GPC6: variants seen among roughly 807,000 people sequenced by gnomAD.
The protein encoded by GPC6 is glypican-6.
Under a neutral mutation model 55.2 loss-of-function variants are expected in GPC6, and 14 were observed. The ratio of observed to expected loss-of-function variants is 0.25; its 90% CI spans 0.17 to 0.40. The LOEUF is 0.40. GPC6 is among the 10% of genes least tolerant of loss of function. GPC6 has a pLI of 1.00. For synonymous variants in GPC6, 278 were observed against 259.6 expected (o/e 1.07, Z -0.68); for missense variants, 641 against 708.5 (o/e 0.90, Z 1.08).
chr13:93,554,197 A>G (rs538294384), intron 2 of GPC6, among the ~76,000 whole-genome samples: 2 of 152,124 alleles, frequency 1.3e-5, no homozygotes, highest in East Asian at 3.9e-4. Flanking sequence ...ACAGGACTGA[A>G]GATATCCAGA....
rs952517625 is a variant in GPC6 at position 93,672,355 on chromosome 13, A to C, written c.319+126934A>C. On this transcript the variant is annotated intron_variant, in intron 2 of 8. Transcript: ENST00000377047. ...GTGGTGGCTTTTTCATGAGTCCAGG[A>C]AACATCAGAAATGATTTTTACCACG... Among the ~76,000 whole-genome samples the C allele has an allele frequency of 4.6e-5, 7 of 152,030 alleles. No individual in the cohort carries two copies. The South Asian group carries it at 1.2e-3, about 27-fold the overall frequency.
chr13:93,485,534 C>G (rs1219900879), intron 1 of GPC6, among the ~76,000 whole-genome samples: 2 of 152,148 alleles, frequency 1.3e-5, no homozygotes, highest in African/African-American at 4.8e-5. Flanking sequence ...ATTAATAGCT[C>G]TCTGTACACT....
intron 1 of GPC6, among the ~76,000 whole-genome samples, chr13:93,267,516 G>A (rs1424510023): frequency 1.3e-5 from 2 of 151,954 alleles, no homozygotes; most frequent in Non-Finnish European, 2.9e-5. Flanking sequence ...CATGCTAGAA[G>A]CTTCAATTCC....
chr13:94,169,480 A>G (rs1441364831), intron 4 of GPC6, among the ~76,000 whole-genome samples: 1 of 152,144 alleles, frequency 6.6e-6, no homozygotes, highest in Non-Finnish European at 1.5e-5. Flanking sequence ...AAATACTAGA[A>G]CTCAGAGGGT....
chr13:93,245,284 C>A (rs1305447136), intron 1 of GPC6, among the ~76,000 whole-genome samples: 1 of 152,168 alleles, frequency 6.6e-6, no homozygotes, highest in African/African-American at 2.4e-5. Context: ...CACCGTTATT[C>A]AGTTTTGGAT....
chr13:94,363,855 A>T (rs755806120), intron 6 of GPC6, among the ~76,000 whole-genome samples: 2 of 152,214 alleles, frequency 1.3e-5, no homozygotes, highest in African/African-American at 2.4e-5. Flanking sequence ...GGTGGAATGA[A>T]CTGAGATGGA....
At chr13:93,674,572 C>T (rs901406484) in intron 2 of GPC6, among the ~76,000 whole-genome samples, 1 of 152,178 alleles carries the variant, frequency 6.6e-6, no homozygotes, top group Non-Finnish European at 1.5e-5. Flanking sequence ...AAAGACACAA[C>T]ACAGGCATGT....
intron 8 of GPC6, among the ~76,000 whole-genome samples, chr13:94,401,417 T>C (rs934156855): frequency 2.0e-5 from 3 of 152,120 alleles, no homozygotes; most frequent in Non-Finnish European, 4.4e-5. Context: ...TGACAGGATT[T>C]GTCAAACAAG....
intron 3 of GPC6, among the ~76,000 whole-genome samples, chr13:93,974,996 T>C (rs778110600): frequency 2.6e-5 from 4 of 152,146 alleles, no homozygotes; most frequent in Non-Finnish European, 4.4e-5. Flanking sequence ...AAGCTCATGC[T>C]CTTACCTACA....
chr13:93,744,528 C>CTTTTTTTTTTTTTTTT (rs71736430), intron 2 of GPC6, among the ~76,000 whole-genome samples: 6 of 97,232 alleles, frequency 6.2e-5, no homozygotes, highest in African/African-American at 8.9e-5. Context: ...TTTCCCTAGT[C>CTTTTTTTTTTTTTTTT]TTTTTTTTTT....
intron 2 of GPC6, among the ~76,000 whole-genome samples, chr13:93,720,752 T>G (rs1883427237): frequency 6.6e-6 from 1 of 152,076 alleles, no homozygotes; most frequent in Non-Finnish European, 1.5e-5. Flanking sequence ...TCCCAAATAT[T>G]CTGGTACGTT....
At chr13:93,492,533 C>T (rs1025567583) in intron 1 of GPC6, among the ~76,000 whole-genome samples, 2 of 146,756 alleles carry the variant, frequency 1.4e-5, no homozygotes, top group African/African-American at 5.1e-5. Context: ...TGCCTGATTG[C>T]CCCGGCCAGA....
At chr13:93,481,104 T>C (rs1879500436) in intron 1 of GPC6, among the ~76,000 whole-genome samples, 1 of 152,182 alleles carries the variant, frequency 6.6e-6, no homozygotes, top group Admixed American at 6.5e-5. Context: ...CAATACTTGC[T>C]ATTTGTCCCT....
intron 1 of GPC6, among the ~76,000 whole-genome samples, chr13:93,537,354 A>G (rs1882102755): frequency 6.6e-6 from 1 of 152,158 alleles, no homozygotes; most frequent in Non-Finnish European, 1.5e-5. Context: ...AATGGTGAAA[A>G]CTATCTTGCA....
At chr13:93,427,021 C>G (rs915301714) in intron 1 of GPC6, among the ~76,000 whole-genome samples, 7 of 150,432 alleles carry the variant, frequency 4.7e-5, no homozygotes, top group African/African-American at 1.7e-4. Context: ...TATTTTTTGG[C>G]TGCATAAATG....
chr13:93,821,760 T>A (rs1277597449), intron 2 of GPC6, among the ~76,000 whole-genome samples: 1 of 152,044 alleles, frequency 6.6e-6, no homozygotes, highest in Non-Finnish European at 1.5e-5. Context: ...GTCTTTCCAT[T>A]GAGATTGCTG....
chr13:93,758,692 T>C (rs1323872868), intron 2 of GPC6, among the ~76,000 whole-genome samples: 1 of 152,042 alleles, frequency 6.6e-6, no homozygotes, highest in Admixed American at 6.6e-5. Flanking sequence ...CCTTTTCTTT[T>C]TGAGCATGAA....
At chr13:94,054,806 AG>A (rs1194406857) in intron 4 of GPC6, among the ~76,000 whole-genome samples, 1 of 152,114 alleles carries the variant, frequency 6.6e-6, no homozygotes, top group Non-Finnish European at 1.5e-5. Context: ...TTAATCTGTC[AG>A]TGTAAATCAT....
rs949300053 is a variant in GPC6 at position 94,405,071 on chromosome 13, T to G, written c.*1854T>G. 1.3e-5 allele frequency: 2 copies of G among 152,230 alleles called. No homozygotes were observed. Among genetic ancestry groups the G allele is most frequent in the African/African-American group, 4.8e-5 (2 of 41,466 alleles). The allele number at this position is 152,230 out of a possible 1,614,324, so 9.4% of individuals were successfully genotyped here. A position where few individuals can be genotyped will look rare whatever the true frequency, so the allele number is the denominator to read the frequency against. On this transcript the variant is annotated 3_prime_UTR_variant, in exon 9 of 9. Coordinates refer to ENST00000377047, the MANE Select transcript of GPC6 (RefSeq NM_005708.5). ...TCTCATCAAAATTAAAATTAGTTATTGATTTAGTCATCACATTTAAGTAGA... is the reference window on the plus strand; with the variant it reads ...TCTCATCAAAATTAAAATTAGTTATGGATTTAGTCATCACATTTAAGTAGA...
Sources: allele counts gnomAD v4.1 joint callset (sites outside exome capture counted in the v4.1 genomes callset), GRCh38; gene constraint gnomAD v4.1.1; transcripts MANE v1.5; gene names NCBI Gene and HGNC (gene_info 2026-07-23, HGNC 2026-07-21).